The following RNF220 variants were observed in gnomAD, a reference collection of about 807,000 sequenced individuals.
The protein encoded by RNF220 is E3 ubiquitin-protein ligase RNF220.
A neutral mutation model predicts 67.1 loss-of-function variants in RNF220; 7 were observed. The ratio of observed to expected loss-of-function variants is 0.10; its 90% CI spans 0.06 to 0.20. The LOEUF is 0.20. Among genes scored for constraint, RNF220 ranks in the 10% least tolerant of loss-of-function variants. The pLI is 1.00. For missense variants in RNF220, 565 were observed against 740.3 expected (o/e 0.76, Z 2.75); for synonymous variants, 270 against 283.2 (o/e 0.95, Z 0.47).
intron 2 of RNF220, among the ~76,000 whole-genome samples, chr1:44,585,392 CCT>C (rs1355875297): frequency 6.6e-6 from 1 of 152,104 alleles, no homozygotes; most frequent in African/African-American, 2.4e-5. Context: ...AACGGCAATC[CCT>C]CTCTCTCCTC....
At chr1:44,523,731 G>T (rs1660119764) in intron 2 of RNF220, among the ~76,000 whole-genome samples, 1 of 152,154 alleles carries the variant, frequency 6.6e-6, no homozygotes, top group South Asian at 2.1e-4. Context: ...TGCTGAGGCA[G>T]CTCAGAGGGC....
intron 2 of RNF220, among the ~76,000 whole-genome samples, chr1:44,450,606 G>A (rs1652571056): frequency 6.6e-6 from 1 of 152,118 alleles, no homozygotes; most frequent in African/African-American, 2.4e-5. Context: ...ACTTAACTAT[G>A]TGTGTTTTCA....
intron 2 of RNF220, among the ~76,000 whole-genome samples, chr1:44,556,469 T>C (rs1663089092): frequency 6.6e-6 from 1 of 150,660 alleles, no homozygotes; most frequent in Non-Finnish European, 1.5e-5. Context: ...TGTCCTCTGG[T>C]AAACCTGCCC....
intron 5 of RNF220, among the ~76,000 whole-genome samples, chr1:44,628,854 T>A (rs866189704): frequency 6.6e-6 from 1 of 152,252 alleles, no homozygotes; most frequent in Admixed American, 6.5e-5. Flanking sequence ...CTGGATTAGC[T>A]ATCTCTTGAC....
intron 2 of RNF220, among the ~76,000 whole-genome samples, chr1:44,593,387 A>G (rs1666251098): frequency 6.6e-6 from 1 of 152,204 alleles, no homozygotes; most frequent in Non-Finnish European, 1.5e-5. Context: ...TTCCCTATCT[A>G]AAGAAATTTT....
intron 1 of RNF220, among the ~76,000 whole-genome samples, chr1:44,411,737 C>T (rs1013290720): frequency 2.0e-5 from 3 of 152,068 alleles, no homozygotes; most frequent in African/African-American, 4.8e-5. Flanking sequence ...TGGGCTCAGG[C>T]GCATTTCACC....
intron 3 of RNF220, among the ~76,000 whole-genome samples, chr1:44,618,348 C>T (rs1258480316): frequency 6.6e-6 from 1 of 152,262 alleles, no homozygotes; most frequent in Non-Finnish European, 1.5e-5. Flanking sequence ...TGAAAGAAGC[C>T]TTGTCCCATG....
At chr1:44,639,109 C>T (rs2148492365) in intron 8 of RNF220, among the ~76,000 whole-genome samples, 1 of 152,312 alleles carries the variant, frequency 6.6e-6, no homozygotes, top group East Asian at 1.9e-4. Flanking sequence ...TTCTTGGGTA[C>T]CATGCCAAAC....
intron 2 of RNF220, among the ~76,000 whole-genome samples, chr1:44,475,367 T>G (rs1481051490): frequency 6.7e-6 from 1 of 150,072 alleles, no homozygotes; most frequent in African/African-American, 2.5e-5. Flanking sequence ...AGTCAGGAGT[T>G]CAAGACCAGC....
intron 2 of RNF220, among the ~76,000 whole-genome samples, chr1:44,553,371 A>AGAATGAAT (rs55720653): frequency 1.1e-4 from 16 of 150,792 alleles, no homozygotes; most frequent in African/African-American, 3.4e-4. Context: ...GCTGAGTATA[A>AGAATGAAT]GAATGAATGA....
At chr1:44,640,333 G>A (rs1644450922) in intron 8 of RNF220, among the ~76,000 whole-genome samples, 1 of 152,256 alleles carries the variant, frequency 6.6e-6, no homozygotes, top group Non-Finnish European at 1.5e-5. Context: ...GCTGGAGGCG[G>A]TCTTGGAGTG....
At chr1:44,452,818 G>C (rs1652825850) in intron 2 of RNF220, among the ~76,000 whole-genome samples, 1 of 151,984 alleles carries the variant, frequency 6.6e-6, no homozygotes, top group Admixed American at 6.6e-5. Flanking sequence ...AGTAGTTTTT[G>C]TTCTCATACT....
intron 2 of RNF220, among the ~76,000 whole-genome samples, chr1:44,527,516 G>A (rs771565566): frequency 6.6e-6 from 1 of 152,116 alleles, no homozygotes; most frequent in East Asian, 1.9e-4. Flanking sequence ...TCAGCCACTC[G>A]AGATGCGGAG....
In RNF220 at chr1:44,610,715, T is replaced by G. The variant is rs1643259320; in HGVS notation, c.626-3450T>G. Among the ~76,000 whole-genome samples, 4 of 152,180 alleles carry G rather than the reference T, an allele frequency of 2.6e-5. No individual in the cohort carries two copies. In the South Asian group the frequency reaches 8.3e-4, roughly 32 times the overall value. On this transcript the variant is annotated intron_variant, in intron 2 of 14. Coordinates refer to ENST00000361799, the MANE Select transcript of RNF220 (RefSeq NM_018150.4). ...CCGGCAGTATTGGAGAAGGGATTCC[T>G]GCATCCAATGGGCAGCTGAACTAAG...
chr1:44,571,241 T>C (rs985274287), intron 2 of RNF220, among the ~76,000 whole-genome samples: 1 of 152,180 alleles, frequency 6.6e-6, no homozygotes, highest in African/African-American at 2.4e-5. Flanking sequence ...ATTATCCCCA[T>C]CGTTCCTTGA....
chr1:44,627,320 G>A (rs1187975509), intron 5 of RNF220, among the ~76,000 whole-genome samples: 3 of 138,610 alleles, frequency 2.2e-5, no homozygotes, highest in Non-Finnish European at 4.5e-5. Flanking sequence ...ACTCCAGCCT[G>A]GGTGACAGAG....
At chr1:44,501,435 A>G (rs919572072) in intron 2 of RNF220, among the ~76,000 whole-genome samples, 24 of 152,016 alleles carry the variant, frequency 1.6e-4, no homozygotes, top group Admixed American at 1.4e-3. Context: ...GCTGTGGGAC[A>G]CCCAGGCTGG....
chr1:44,650,541 G>A lies in RNF220; in HGVS notation c.1630-163G>A. ...TGGCGTCCCCCCAACACAGGAGCGT[G>A]CCTGCCTGCTCACAGAAGCTGCCTA... On this transcript the variant is annotated intron_variant, in intron 14 of 14. Coordinates refer to ENST00000361799, the MANE Select transcript of RNF220 (RefSeq NM_018150.4). The surrounding 1 kb of genome is among the most constrained non-coding windows in gnomAD (Gnocchi z 4.3). 1 of 683,582 alleles carries A rather than the reference G, an allele frequency of 1.5e-6. No homozygotes were observed. Among genetic ancestry groups the A allele is most frequent in the South Asian group, 1.7e-5 (1 of 58,494 alleles). The allele number at this position is 683,582 out of a possible 1,614,324, so 42.3% of individuals were successfully genotyped here.
rs1204954473 is a variant in RNF220 at position 44,651,066 on chromosome 1, G to T, written c.*291G>T. ...GGAGGTGGGGGTTGGGGGAGTAGTG[G>T]GGCACGGCTCCTAAGATCCAGCCCC... On this transcript the variant is annotated 3_prime_UTR_variant, in exon 15 of 15. Transcript: ENST00000361799. The T allele has an allele frequency of 6.5e-6, 3 of 459,530 alleles. No homozygotes were observed. Among genetic ancestry groups the T allele is most frequent in the Non-Finnish European group, 1.2e-5 (3 of 245,910 alleles). The allele number at this position is 459,530 out of a possible 1,614,324, so 28.5% of individuals were successfully genotyped here. A position where few individuals can be genotyped will look rare whatever the true frequency, so the allele number is the denominator to read the frequency against.
Sources: allele counts gnomAD v4.1 joint callset (sites outside exome capture counted in the v4.1 genomes callset), GRCh38; gene constraint gnomAD v4.1.1; non-coding constraint Gnocchi (gnomAD v3.1); transcripts MANE v1.5; gene names NCBI Gene and HGNC (gene_info 2026-07-23, HGNC 2026-07-21).